The following CNTN6 variants were observed in gnomAD, a reference collection of about 807,000 sequenced individuals.
CNTN6 encodes contactin 6.
A neutral mutation model predicts 122.8 loss-of-function variants in CNTN6; 137 were observed. The ratio of observed to expected loss-of-function variants is 1.12; its 90% confidence interval spans 0.97 to 1.29. CNTN6 has a LOEUF of 1.29. Among genes scored for constraint, CNTN6 ranks in the 50% most tolerant of loss-of-function variants. CNTN6 has a pLI of 0.00. For synonymous variants in CNTN6, 570 were observed against 426.0 expected (o/e 1.34, Z -4.16); for missense variants, 1,634 against 1,223.4 (o/e 1.34, Z -5.01).
At chr3:1,330,712 A>G (rs1702171848) in intron 11 of CNTN6, among the ~76,000 whole-genome samples, 1 of 151,908 alleles carries the variant, frequency 6.6e-6, no homozygotes, top group Non-Finnish European at 1.5e-5. Flanking sequence ...CTTCTTCAGC[A>G]TCATATGTTC....
intron 5 of CNTN6, among the ~76,000 whole-genome samples, chr3:1,281,732 G>A (rs752833404): frequency 6.6e-5 from 10 of 152,224 alleles, no homozygotes; most frequent in Non-Finnish European, 8.8e-5. Context: ...GCCATCGGGC[G>A]CAGCAAAGGC....
rs199925005 is a variant in CNTN6, at chr3:1,319,830, G to A, written c.762-1820G>A. ...AATGAAAACCAGAAATAAACAGAGA[G>A]CAGAAAATAAAATAAAATAAAATAA... On this transcript the variant is annotated intron_variant, in intron 7 of 22. Transcript: ENST00000446702. Among the ~76,000 whole-genome samples the A allele has an allele frequency of 5.7e-4, 23 of 40,140 alleles. No homozygotes were observed. In the East Asian group the frequency reaches 0.034, roughly 59 times the overall value. 26.3% of individuals were successfully genotyped at this position (40,140 alleles called of 152,430 possible).
intron 2 of CNTN6, among the ~76,000 whole-genome samples, chr3:1,193,296 T>C (rs1293851148): frequency 6.6e-6 from 1 of 152,140 alleles, no homozygotes; most frequent in Non-Finnish European, 1.5e-5. Flanking sequence ...TAACCAGCAT[T>C]AAGTGGAAGT....
At chr3:1,100,353 T>A (rs1057257361) in intron 1 of CNTN6, among the ~76,000 whole-genome samples, 1 of 152,150 alleles carries the variant, frequency 6.6e-6, no homozygotes, top group Non-Finnish European at 1.5e-5. Context: ...GGAATATAAT[T>A]TTGCTCATGA....
chr3:1,351,105 C>G (rs947044207), intron 11 of CNTN6, among the ~76,000 whole-genome samples: 24 of 151,794 alleles, frequency 1.6e-4, no homozygotes, highest in Non-Finnish European at 2.5e-4. Flanking sequence ...GTGGCTCCTT[C>G]CACTCACTGA....
chr3:1,325,394 C>T lies in CNTN6; in HGVS notation c.947-421C>T, dbSNP rs544224229. On this transcript the variant is annotated intron_variant, in intron 8 of 22. Coordinates refer to ENST00000446702, the MANE Select transcript of CNTN6 (RefSeq NM_001289080.2). ...GTTGTAATTGTGTCTGAAACAGATA[C>T]AGATTTATTACTTTTAGTTTAGAGC... Among the ~76,000 whole-genome samples, 80 of 151,908 alleles carry T rather than the reference C, an allele frequency of 5.3e-4. 1 individual carries two copies. The highest frequency in any genetic ancestry group is 7.4e-4 in the Non-Finnish European group (50 of 67,878).
At chr3:1,260,165 A>G (rs1248750406) in intron 4 of CNTN6, among the ~76,000 whole-genome samples, 1 of 152,170 alleles carries the variant, frequency 6.6e-6, no homozygotes, top group Non-Finnish European at 1.5e-5. Flanking sequence ...CTTGAATACA[A>G]ATTGACTCCC....
intron 8 of CNTN6, among the ~76,000 whole-genome samples, chr3:1,324,719 G>A (rs558561310): frequency 4.0e-5 from 6 of 149,140 alleles, no homozygotes; most frequent in African/African-American, 1.0e-4. Flanking sequence ...TTTCCTTCCC[G>A]GTGACTACCT....
chr3:1,207,450 T>G (rs2093973628), intron 2 of CNTN6, among the ~76,000 whole-genome samples: 1 of 152,128 alleles, frequency 6.6e-6, no homozygotes, highest in African/African-American at 2.4e-5. Context: ...CGCTTGCTGT[T>G]CCTCTGCCTA....
At chr3:1,115,097 G>T (rs2091658634) in intron 1 of CNTN6, among the ~76,000 whole-genome samples, 1 of 152,166 alleles carries the variant, frequency 6.6e-6, no homozygotes, top group Non-Finnish European at 1.5e-5. Context: ...ATAGCAGAAA[G>T]CTGGGAGTTT....
At chr3:1,282,076 A>G (rs1241292110) in intron 5 of CNTN6, among the ~76,000 whole-genome samples, 1 of 152,148 alleles carries the variant, frequency 6.6e-6, no homozygotes, top group Admixed American at 6.5e-5. Flanking sequence ...CCCAGCAAAG[A>G]ATGGCTCCAT....
At chr3:1,187,681 A>G (rs547660255) in intron 2 of CNTN6, among the ~76,000 whole-genome samples, 1 of 152,180 alleles carries the variant, frequency 6.6e-6, no homozygotes, top group Non-Finnish European at 1.5e-5. Context: ...AGGCCAAGGG[A>G]AAAATGCAAA....
chr3:1,108,936 GA>G (rs1553595352), intron 1 of CNTN6, among the ~76,000 whole-genome samples: 1 of 151,966 alleles, frequency 6.6e-6, no homozygotes, highest in Non-Finnish European at 1.5e-5. Flanking sequence ...TTCAATTTTA[GA>G]ATTACCATTT....
chr3:1,359,455 G>A lies in CNTN6; in HGVS notation c.1492+7004G>A, dbSNP rs561244360. Among the ~76,000 whole-genome samples, 14 of 152,020 alleles carry A rather than the reference G, an allele frequency of 9.2e-5. 1 individual carries two copies. The South Asian group carries it at 2.9e-3, about 32-fold the overall frequency. ...GTTTTTCACTTGTTTCTTTTAATCT[G>A]GGGTTCTCAGTAGTCTTTTAATATT... On this transcript the variant is annotated intron_variant, in intron 12 of 22. Transcript: ENST00000446702.
intron 1 of CNTN6, among the ~76,000 whole-genome samples, chr3:1,116,928 C>T (rs1268834596): frequency 2.0e-5 from 3 of 152,114 alleles, no homozygotes; most frequent in Non-Finnish European, 4.4e-5. Context: ...TGGTCTTGAA[C>T]TCCTGACCTC....
At chr3:1,119,983 T>C (rs1378302752) in intron 1 of CNTN6, among the ~76,000 whole-genome samples, 1 of 152,084 alleles carries the variant, frequency 6.6e-6, no homozygotes, top group Non-Finnish European at 1.5e-5. Context: ...TGGAAGCATG[T>C]AGTACGGTGC....
chr3:1,257,555 C>A (rs903157254), intron 4 of CNTN6, among the ~76,000 whole-genome samples: 2 of 152,120 alleles, frequency 1.3e-5, no homozygotes, highest in African/African-American at 4.8e-5. Context: ...CACCCCTGCC[C>A]TATGAAATTT....
chr3:1,385,604 T>C lies in CNTN6; in HGVS notation c.2518-7T>C. The C allele has an allele frequency of 6.3e-7, 1 of 1,575,916 alleles. No homozygotes were observed. The highest frequency in any genetic ancestry group is 8.6e-7 in the Non-Finnish European group (1 of 1,165,192). ...ATAAATTGCTTGTTTTGGTTTTTAATTATCAGGTCTTATACTGGACAGATG... is the reference window on the plus strand; with the variant it reads ...ATAAATTGCTTGTTTTGGTTTTTAACTATCAGGTCTTATACTGGACAGATG... On this transcript the variant is annotated splice_region_variant and splice_polypyrimidine_tract_variant and intron_variant, in intron 19 of 22. Transcript: ENST00000446702.
intron 4 of CNTN6, among the ~76,000 whole-genome samples, chr3:1,265,574 T>G (rs1250412659): frequency 6.6e-6 from 1 of 151,920 alleles, no homozygotes. Context: ...AGGGGAGGAG[T>G]ATTGGCAAAA....
Sources: allele counts gnomAD v4.1 joint callset (sites outside exome capture counted in the v4.1 genomes callset), GRCh38; gene constraint gnomAD v4.1.1; transcripts MANE v1.5; gene names NCBI Gene and HGNC (gene_info 2026-07-23, HGNC 2026-07-21).